The following PATJ variants were observed in gnomAD, a reference collection of about 807,000 sequenced individuals.
PATJ encodes the protein PATJ crumbs cell polarity complex component, also known as inaD-like protein.
A neutral mutation model predicts 224.9 loss-of-function variants in PATJ; 190 were observed. The observed-to-expected ratio is 0.84, with a 90% CI of 0.75 to 0.95. PATJ has a LOEUF of 0.95. Among genes scored for constraint, PATJ ranks in the 40% least tolerant of loss-of-function variants. The pLI is 0.00. For missense variants in PATJ, 2,121 were observed against 2,270.3 expected (o/e 0.93, Z 1.34); for synonymous variants, 769 against 820.3 (o/e 0.94, Z 1.07).
chr1:61,943,921 T>C (rs573223706), intron 27 of PATJ, among the ~76,000 whole-genome samples: 1 of 152,284 alleles, frequency 6.6e-6, no homozygotes, highest in African/African-American at 2.4e-5. Flanking sequence ...ACATCTGCCG[T>C]TCTGCAGCCT....
chr1:62,087,190 T>C (rs1660116640), intron 33 of PATJ, among the ~76,000 whole-genome samples: 1 of 151,782 alleles, frequency 6.6e-6, no homozygotes, highest in Non-Finnish European at 1.5e-5. Context: ...TGGCTGTCAG[T>C]GGAGAGGGGA....
chr1:62,010,093 A>AAG (rs1646349840), intron 28 of PATJ, among the ~76,000 whole-genome samples: 3 of 147,920 alleles, frequency 2.0e-5, no homozygotes, highest in East Asian at 3.9e-4. Context: ...AAAAAAAAAA[A>AAG]AAAGAAAGAA....
chr1:62,015,024 GC>G (rs1322202516), intron 28 of PATJ, among the ~76,000 whole-genome samples: 1 of 152,138 alleles, frequency 6.6e-6, no homozygotes, highest in Admixed American at 6.6e-5. Flanking sequence ...CGTATGCCGG[GC>G]GCAGTGGCTC....
At chr1:61,851,807 G>A (rs572367358) in intron 17 of PATJ, among the ~76,000 whole-genome samples, 13 of 152,196 alleles carry the variant, frequency 8.5e-5, no homozygotes, top group Admixed American at 8.5e-4. Context: ...AAATGGAAAG[G>A]AAGAATCAGA....
intron 41 of PATJ, among the ~76,000 whole-genome samples, chr1:62,134,011 G>A (rs922245976): frequency 5.3e-5 from 8 of 152,004 alleles, no homozygotes; most frequent in Non-Finnish European, 8.8e-5. Context: ...CTCCCACAGT[G>A]CTGAGATTAC....
intron 27 of PATJ, among the ~76,000 whole-genome samples, chr1:61,969,150 T>C (rs1682589233): frequency 6.6e-6 from 1 of 152,254 alleles, no homozygotes; most frequent in Admixed American, 6.5e-5. Context: ...TTTGAGTTGC[T>C]TCCACCTCTT....
intron 17 of PATJ, among the ~76,000 whole-genome samples, chr1:61,839,110 CT>C (rs1254754217): frequency 1.3e-5 from 2 of 150,988 alleles, no homozygotes; most frequent in African/African-American, 4.9e-5. Context: ...CTTTTTTTTT[CT>C]TTCTTTTTCT....
rs183209775 is a variant in PATJ at position 61,832,887 on chromosome 1, A to G, written c.1981-767A>G. The stretch of plus-strand genomic sequence containing the variant: ...AGCCATTCTTCTGCATAGTAGATTC[A>G]TTGACCCTCTCATTTAACTTCCTGG... On this transcript the variant is annotated intron_variant, in intron 16 of 43. Coordinates refer to ENST00000642238, the MANE Select transcript of PATJ (RefSeq NM_001350145.3). Among the ~76,000 whole-genome samples the G allele has an allele frequency of 5.4e-4, 83 of 152,300 alleles. 1 individual carries two copies. The highest frequency in any genetic ancestry group is 1.9e-3 in the African/African-American group (80 of 41,590).
chr1:61,835,984 G>T (rs555363749), intron 17 of PATJ, among the ~76,000 whole-genome samples: 2 of 152,162 alleles, frequency 1.3e-5, no homozygotes, highest in Non-Finnish European at 2.9e-5. Flanking sequence ...TGGTTGCTCT[G>T]ATGCTCTTAA....
chr1:61,780,815 C>A (rs1015327233), intron 7 of PATJ, among the ~76,000 whole-genome samples: 10 of 152,106 alleles, frequency 6.6e-5, no homozygotes, highest in Non-Finnish European at 1.0e-4. Flanking sequence ...ATAAGATGTG[C>A]AGAGTTTCCC....
chr1:61,790,394 G>A (rs1478953896), intron 8 of PATJ, among the ~76,000 whole-genome samples: 2 of 151,786 alleles, frequency 1.3e-5, no homozygotes, highest in South Asian at 2.1e-4. Flanking sequence ...CAAATTTACT[G>A]GTTTAAAACA....
intron 29 of PATJ, among the ~76,000 whole-genome samples, chr1:62,030,052 A>C (rs1648912683): frequency 6.6e-6 from 1 of 152,204 alleles, no homozygotes; most frequent in Non-Finnish European, 1.5e-5. Flanking sequence ...GAAAACAAGT[A>C]GTGATACTGT....
chr1:62,068,227 A>G (rs1367114264), intron 31 of PATJ, among the ~76,000 whole-genome samples: 1 of 152,202 alleles, frequency 6.6e-6, no homozygotes, highest in East Asian at 1.9e-4. Context: ...CCCTGTTTCA[A>G]TTAGGGATCT....
chr1:62,157,285 T>C (rs78540745), intron 43 of PATJ, among the ~76,000 whole-genome samples: 6,409 of 141,808 alleles, frequency 0.045, 328 homozygotes, highest in Admixed American at 0.093. Flanking sequence ...GATTACACCA[T>C]TGCACTCCAG....
chr1:61,855,920 C>T, intron 17 of PATJ, 110 bp from the exon 18 acceptor site: 1 of 741,548 alleles, frequency 1.3e-6, no homozygotes, highest in Non-Finnish European at 2.3e-6. Flanking sequence ...GAGTGCCAGA[C>T]ACATGAAGTA....
chr1:61,950,638 A>C (rs529461109), intron 27 of PATJ, among the ~76,000 whole-genome samples: 2 of 152,236 alleles, frequency 1.3e-5, no homozygotes, highest in African/African-American at 4.8e-5. Context: ...AATGTTAAGA[A>C]TGTTCACGTC....
At chr1:62,029,567 A>G (rs984026922) in intron 29 of PATJ, among the ~76,000 whole-genome samples, 3 of 152,238 alleles carry the variant, frequency 2.0e-5, no homozygotes, top group Non-Finnish European at 4.4e-5. Flanking sequence ...GAATAAATAT[A>G]TAATGTTATA....
intron 27 of PATJ, among the ~76,000 whole-genome samples, chr1:61,949,561 A>T (rs888325203): frequency 6.6e-6 from 1 of 152,228 alleles, no homozygotes; most frequent in Non-Finnish European, 1.5e-5. Context: ...GTTAAAAGTT[A>T]TTATAAAAGG....
At chr1:61,788,515 A>G (rs1649077665) in intron 8 of PATJ, among the ~76,000 whole-genome samples, 1 of 152,218 alleles carries the variant, frequency 6.6e-6, no homozygotes, top group African/African-American at 2.4e-5. Flanking sequence ...ACATCATGTT[A>G]AAGACCTTAT....
Sources: allele counts gnomAD v4.1 joint callset (sites outside exome capture counted in the v4.1 genomes callset), GRCh38; gene constraint gnomAD v4.1.1; transcripts MANE v1.5; gene names NCBI Gene and HGNC (gene_info 2026-07-23, HGNC 2026-07-21).